The following CCL24 variants were observed in gnomAD, a reference collection of about 807,000 sequenced individuals.
CCL24 encodes C-C motif chemokine 24.
Under a neutral mutation model 8.6 loss-of-function variants are expected in CCL24, and 6 were observed. The observed-to-expected ratio is 0.70, with a 90% CI of 0.38 to 1.38. CCL24 has a LOEUF of 1.38. Ranked by LOEUF, CCL24 falls within the 40% of genes most tolerant of loss-of-function variation. The probability of loss-of-function intolerance (pLI) is 0.02; values close to 1 mark genes in which losing one functional copy is unlikely to be tolerated. For synonymous variants in CCL24, 59 were observed against 52.7 expected (o/e 1.12, Z -0.52); for missense variants, 126 against 147.1 (o/e 0.86, Z 0.74).
chr7:75,820,876 CATCT>C (rs1407986506), intron 1 of CCL24, among the ~76,000 whole-genome samples: 3 of 151,418 alleles, frequency 2.0e-5, no homozygotes, highest in Non-Finnish European at 4.4e-5. Context: ...TCCATCCACT[CATCT>C]ATCCATCCAT....
At chr7:75,823,054 G>A (rs1563355130) in intron 1 of CCL24, among the ~76,000 whole-genome samples, 2 of 152,046 alleles carry the variant, frequency 1.3e-5, no homozygotes, top group Non-Finnish European at 2.9e-5. Context: ...AGACTCTCAC[G>A]GCCACCAGCT....
intron 2 of CCL24, among the ~76,000 whole-genome samples, chr7:75,812,996 G>A (rs1217875413): frequency 6.6e-6 from 1 of 151,798 alleles, no homozygotes; most frequent in African/African-American, 2.4e-5. Context: ...GCACCACTTT[G>A]GGAGGCTGAG....
chr7:75,816,362 A>G (rs1803890905), upstream of CCL24, among the ~76,000 whole-genome samples: 1 of 152,022 alleles, frequency 6.6e-6, no homozygotes, highest in Non-Finnish European at 1.5e-5. Flanking sequence ...CTCACTGCCT[A>G]TGCTTACAGA....
chr7:75,822,197 G>C (rs1438557668), intron 1 of CCL24, among the ~76,000 whole-genome samples: 1 of 152,126 alleles, frequency 6.6e-6, no homozygotes, highest in Non-Finnish European at 1.5e-5. Context: ...AGGGAGATTA[G>C]ACAGCCTCAA....
Position 75,811,586 on chromosome 7 carries a change from G to A in CCL24, c.*210C>T. The stretch of plus-strand genomic sequence containing the variant: ...TTCTCACCCAGCTCCAGAAAGGCAA[G>A]GGGCCTTGGATGCTTGGAGCCATTG... On this transcript the variant is annotated 3_prime_UTR_variant, in exon 3 of 3. Coordinates refer to ENST00000222902, the MANE Select transcript of CCL24 (RefSeq NM_002991.3). The A allele has an allele frequency of 2.2e-6, 1 of 464,668 alleles. No homozygotes were observed. The allele number at this position is 464,668 out of a possible 1,614,324, so 28.8% of individuals were successfully genotyped here.
At chr7:75,822,983 G>A (rs568284844) in intron 1 of CCL24, among the ~76,000 whole-genome samples, 1 of 152,166 alleles carries the variant, frequency 6.6e-6, no homozygotes, top group Non-Finnish European at 1.5e-5. Context: ...CCGCTGAGTG[G>A]CACCAATGCC....
upstream of CCL24, among the ~76,000 whole-genome samples, chr7:75,814,897 G>A (rs79404066): frequency 0.041 from 6,267 of 151,648 alleles, 129 homozygotes; most frequent in Non-Finnish European, 0.042. Context: ...CCCTTCCCGC[G>A]CCGACCAGAT....
chr7:75,821,355 C>T (rs923153454), intron 1 of CCL24, among the ~76,000 whole-genome samples: 2 of 151,554 alleles, frequency 1.3e-5, no homozygotes, highest in African/African-American at 2.4e-5. Context: ...TGGTGGGAAG[C>T]CTGTGGTAGG....
At chr7:75,817,228 G>A (rs781839769), upstream of CCL24, among the ~76,000 whole-genome samples, 9 of 152,100 alleles carry the variant, frequency 5.9e-5, no homozygotes, top group East Asian at 1.9e-4. Context: ...AGGGGATGCC[G>A]GTTGACTGCC....
chr7:75,812,112 G>C (rs1803778859), intron 2 of CCL24, 148 bp from the exon 3 acceptor site: 3 of 632,550 alleles, frequency 4.7e-6, no homozygotes, highest in Non-Finnish European at 8.2e-6. Flanking sequence ...TTTGACACAG[G>C]GTCTCACTCT....
intron 1 of CCL24, among the ~76,000 whole-genome samples, chr7:75,822,976 C>T (rs1466368932): frequency 6.6e-6 from 1 of 152,224 alleles, no homozygotes; most frequent in East Asian, 1.9e-4. Flanking sequence ...GCATGCTCCG[C>T]TGAGTGGCAC....
At chr7:75,813,197 T>A in intron 2 of CCL24, 109 bp downstream of exon 2, 1 of 638,576 alleles carries the variant, frequency 1.6e-6, no homozygotes, top group Admixed American at 2.5e-5. Flanking sequence ...GGGAGGTGAC[T>A]TCTCCAGGGA....
chr7:75,815,650 T>G (rs1273305190), upstream of CCL24, among the ~76,000 whole-genome samples: 3 of 152,062 alleles, frequency 2.0e-5, no homozygotes, highest in Non-Finnish European at 2.9e-5. Context: ...TGTAAGGGAC[T>G]GAGGCAACTT....
chr7:75,820,977 T>G (rs1554535042), intron 1 of CCL24, among the ~76,000 whole-genome samples: 1 of 151,834 alleles, frequency 6.6e-6, no homozygotes. Flanking sequence ...CATCGAACCC[T>G]GCTATATACC....
upstream of CCL24, among the ~76,000 whole-genome samples, chr7:75,815,560 C>G (rs1554534033): frequency 6.6e-6 from 1 of 152,130 alleles, no homozygotes; most frequent in African/African-American, 2.4e-5. Flanking sequence ...GGACTCATAG[C>G]TGACAGCTGC....
At chr7:75,821,197 G>C (rs547209233) in intron 1 of CCL24, among the ~76,000 whole-genome samples, 1 of 152,292 alleles carries the variant, frequency 6.6e-6, no homozygotes, top group East Asian at 1.9e-4. Flanking sequence ...TGACCAAGGG[G>C]AGTTGGGCTT....
rs2115779964 is a variant in CCL24, at chr7:75,813,326, T to C, written c.171A>G (p.Thr57=). The change falls in exon 2 of 3, where the codon ACA becomes ACG. Residue 57 remains threonine, a synonymous_variant. Transcript: ENST00000222902. ...CCTACATCACTCCTGCCTTGAGGCA[T>C]GTGCTCCTGCTGGACAGCTGGTAGC... ...VVSYQLSSRS[T]CLKAGVIFTT... The C allele has an allele frequency of 1.9e-6, 3 of 1,609,802 alleles. No individual in the cohort carries two copies. Among genetic ancestry groups the C allele is most frequent in the East Asian group, 2.2e-5 (1 of 44,838 alleles).
At chr7:75,821,948 C>G (rs868986872) in intron 1 of CCL24, among the ~76,000 whole-genome samples, 2 of 143,012 alleles carry the variant, frequency 1.4e-5, no homozygotes, top group Admixed American at 7.0e-5. Context: ...AAAAAGAAAA[C>G]AAAATTAGCC....
At chr7:75,816,160 G>C (rs541782206), upstream of CCL24, among the ~76,000 whole-genome samples, 1 of 152,298 alleles carries the variant, frequency 6.6e-6, no homozygotes, top group East Asian at 1.9e-4. Context: ...CAAATCACCT[G>C]TGCCATGGCC....
Sources: gnomAD v4.1 joint callset for allele counts (sites outside exome capture counted in the v4.1 genomes callset) on GRCh38, gnomAD v4.1.1 for gene constraint, MANE v1.5 for transcripts, NCBI Gene and HGNC (gene_info 2026-07-23, HGNC 2026-07-21) for gene names.